Variants in SPECC1 observed in about 807,000 individuals in gnomAD.
The protein encoded by SPECC1 is cytospin-B.
A neutral mutation model predicts 104.1 loss-of-function variants in SPECC1; 62 were observed. That is an observed-to-expected ratio of 0.60 (90% confidence interval 0.49 to 0.74). SPECC1 has a LOEUF of 0.74. SPECC1 is among the 30% of genes least tolerant of loss of function. SPECC1 has a pLI of 0.00. For synonymous variants in SPECC1, 513 were observed against 501.6 expected, an observed-to-expected ratio of 1.02 and a Z score of -0.30; for missense variants, 1,306 against 1,310.5, an observed-to-expected ratio of 1.00 and a Z score of 0.05.
At chr17:20,017,487 T>G (rs2044189896) in intron 1 of SPECC1, 1 of 153,142 alleles carries the variant, frequency 6.5e-6, no homozygotes, top group Non-Finnish European at 1.5e-5. Context: ...CTTTAAGAAC[T>G]GTTACGCTCA....
chr17:20,051,275 A>C (rs549074501), intron 1 of SPECC1, among the ~76,000 whole-genome samples: 1 of 151,796 alleles, frequency 6.6e-6, no homozygotes. Context: ...TCCTGGGTTC[A>C]AGCAATTCTC....
rs764575084 is a variant in SPECC1, at chr17:20,246,060, T to C, written c.2486T>C (p.Leu829Ser). 6.2e-7 allele frequency: 1 copy of C among 1,614,108 alleles called. No individual in the cohort carries two copies. Among genetic ancestry groups the C allele is most frequent in the Non-Finnish European group, 8.5e-7 (1 of 1,179,974 alleles). Residue 829 changes from leucine to serine, a missense_variant, in exon 8 of 15, where the codon TTG becomes TCG. This residue lies in a region of SPECC1 where 1,177 missense variants were observed against 1,139.9 expected (regional missense o/e 1.03). Coordinates refer to ENST00000395527, the MANE Select transcript of SPECC1 (RefSeq NM_001243439.2). ...AAGTCACTTATCAAGTCATTTGACTTGGGACGCCCAGGTATTTAATCATTT... is the reference window on the plus strand; with the variant it reads ...AAGTCACTTATCAAGTCATTTGACTCGGGACGCCCAGGTATTTAATCATTT... ...TVKSLIKSFD[L>S]GRPGGAGQNI... is the part of the protein sequence containing the mutation.
At chr17:20,026,794 A>T (rs1484187435) in intron 1 of SPECC1, among the ~76,000 whole-genome samples, 1 of 152,206 alleles carries the variant, frequency 6.6e-6, no homozygotes, top group Non-Finnish European at 1.5e-5. Flanking sequence ...CTTTGGATAA[A>T]TACCCAGTAG....
rs182782523 is a variant in SPECC1 at position 20,080,883 on chromosome 17, G to C, written c.-21-15748G>C. On this transcript the variant is annotated intron_variant, in intron 1 of 14. Transcript: ENST00000395527. ...CCCACATGATGGGATCAGTGCAGGG[G>C]GGGGTGGTCACTGGGGCCCTCCTGT... Among the ~76,000 whole-genome samples the C allele has an allele frequency of 2.6e-5, 4 of 152,244 alleles. No individual in the cohort carries two copies. In the South Asian group the frequency reaches 6.2e-4, roughly 24 times the overall value.
rs2036615025 is a variant in SPECC1, at chr17:20,204,225, A to G, written c.284-108A>G. 3 of 1,338,914 alleles carry G rather than the reference A, an allele frequency of 2.2e-6. No homozygotes were observed. In the South Asian group the frequency reaches 4.3e-5, roughly 19 times the overall value. 82.9% of individuals were successfully genotyped at this position (1,338,914 alleles called of 1,614,324 possible). On this transcript the variant is annotated intron_variant, in intron 3 of 14. Transcript: ENST00000395527. ...TAGCTAGAGGAGGAGGAAATGGATG[A>G]AGAGCGACAGCCACTGTCCACTGTG...
At chr17:20,142,352 A>C (rs1436983926) in intron 3 of SPECC1, among the ~76,000 whole-genome samples, 1 of 152,234 alleles carries the variant, frequency 6.6e-6, no homozygotes, top group East Asian at 1.9e-4. Flanking sequence ...AGGAACTTGA[A>C]AAGATATTTG....
At chr17:20,010,677 A>G (rs1024125850) in intron 1 of SPECC1, among the ~76,000 whole-genome samples, 3 of 152,236 alleles carry the variant, frequency 2.0e-5, no homozygotes, top group Non-Finnish European at 2.9e-5. Context: ...TGTCTGTTAA[A>G]CAACAGATGT....
chr17:20,298,976 TAG>T (rs146031063), intron 13 of SPECC1, among the ~76,000 whole-genome samples: 5,296 of 72,174 alleles, frequency 0.073, 443 homozygotes, highest in African/African-American at 0.22. Flanking sequence ...TGTGTGTATG[TAG>T]AGAGAGAGAG....
chr17:20,295,324 TC>T (rs2041313072), intron 12 of SPECC1, among the ~76,000 whole-genome samples: 1 of 152,010 alleles, frequency 6.6e-6, no homozygotes. Context: ...TCCAGCTTCA[TC>T]CATGTCCCTA....
rs900430922 is a variant in SPECC1 at position 20,204,785 on chromosome 17, G to C, written c.736G>C (p.Glu246Gln). Residue 246 changes from glutamate (E) to glutamine (Q), a missense_variant, in exon 4 of 15, where the codon GAA (glutamate) becomes CAA (glutamine). Physicochemically the swap from Glu to Gln is conservative, Grantham distance 29. This residue lies in a region of SPECC1 where 1,177 missense variants were observed against 1,139.9 expected (regional missense o/e 1.03). Transcript: ENST00000395527. ...GAAAGAGCTTTCCGATCTAGAGGAAGAAAACCGGGTCCTGAAGGAGAAACT... is the reference window on the plus strand; with the variant it reads ...GAAAGAGCTTTCCGATCTAGAGGAACAAAACCGGGTCCTGAAGGAGAAACT... Reference protein sequence around the residue: ...FQKELSDLEEENRVLKEKLIY... With the variant: ...FQKELSDLEEQNRVLKEKLIY... 19 of 1,614,002 alleles carry C rather than the reference G, an allele frequency of 1.2e-5. No individual in the cohort carries two copies. The highest frequency in any genetic ancestry group is 1.6e-5 in the Non-Finnish European group (19 of 1,180,042).
chr17:20,072,586 G>A (rs574294908), intron 1 of SPECC1, among the ~76,000 whole-genome samples: 2 of 152,260 alleles, frequency 1.3e-5, no homozygotes, highest in African/African-American at 2.4e-5. Context: ...TGGGGCTGCC[G>A]TGCCAGGCCA....
rs2042035005 is a variant in SPECC1 at position 20,315,939 on chromosome 17, T to C, written c.*1874T>C. ...TGGGACCAGAGATGCAGTTCACATG[T>C]TTTGTAAGTTCTTTAGGCGACTGAA... On this transcript the variant is annotated 3_prime_UTR_variant, in exon 15 of 15. Coordinates refer to ENST00000395527, the MANE Select transcript of SPECC1 (RefSeq NM_001243439.2). 4.3e-6 allele frequency: 1 copy of C among 232,536 alleles called. No homozygotes were observed. The highest frequency in any genetic ancestry group is 8.5e-6 in the Non-Finnish European group (1 of 117,638). 14.4% of individuals were successfully genotyped at this position (232,536 alleles called of 1,614,324 possible).
chr17:20,087,930 T>G (rs1217417353), intron 1 of SPECC1, among the ~76,000 whole-genome samples: 1 of 152,146 alleles, frequency 6.6e-6, no homozygotes, highest in African/African-American at 2.4e-5. Context: ...GAGCAGAGAC[T>G]GACCTAGGAG....
chr17:20,195,292 A>G (rs1359239686), intron 3 of SPECC1, among the ~76,000 whole-genome samples: 1 of 152,222 alleles, frequency 6.6e-6, no homozygotes, highest in East Asian at 1.9e-4. Flanking sequence ...GACAGCCACT[A>G]TTAAAGCCAC....
intron 3 of SPECC1, among the ~76,000 whole-genome samples, chr17:20,144,450 C>G (rs994795393): frequency 6.6e-6 from 1 of 152,050 alleles, no homozygotes; most frequent in Non-Finnish European, 1.5e-5. Context: ...CTTGGCCTCC[C>G]AAAGTGCTGG....
intron 1 of SPECC1, among the ~76,000 whole-genome samples, chr17:20,077,203 A>C (rs899707380): frequency 6.6e-6 from 1 of 152,184 alleles, no homozygotes; most frequent in Admixed American, 6.5e-5. Context: ...CTCTGCTTTT[A>C]AGGCATTTAT....
intron 10 of SPECC1, among the ~76,000 whole-genome samples, chr17:20,255,924 C>G (rs2039811796): frequency 6.6e-6 from 1 of 151,892 alleles, no homozygotes; most frequent in Admixed American, 6.6e-5. Context: ...GTCACCCAGG[C>G]TGGAGTGCAG....
chr17:20,104,692 G>A (rs181831806), intron 2 of SPECC1, among the ~76,000 whole-genome samples: 576 of 140,230 alleles, frequency 4.1e-3, no homozygotes, highest in African/African-American at 0.015. Flanking sequence ...GCAGTGAGCC[G>A]AGATTGTGCC....
chr17:20,285,819 CTT>C (rs112146667), intron 12 of SPECC1, among the ~76,000 whole-genome samples: 3 of 140,188 alleles, frequency 2.1e-5, no homozygotes, highest in Non-Finnish European at 4.7e-5. Flanking sequence ...TCCTTCCTTC[CTT>C]TTTTTTTTTT....
Sources: allele counts gnomAD v4.1 joint callset (sites outside exome capture counted in the v4.1 genomes callset), GRCh38; gene constraint gnomAD v4.1.1; regional missense constraint gnomAD v4.1.1; transcripts MANE v1.5; gene names NCBI Gene and HGNC (gene_info 2026-07-23, HGNC 2026-07-21).